The following NBEA variants were observed in gnomAD, a reference collection of about 807,000 sequenced individuals.
The protein encoded by NBEA is lysosomal-trafficking regulator 2.
In NBEA, 44 loss-of-function variants were observed where a neutral mutation model predicts 343.4. The observed-to-expected ratio is 0.13, with a 90% CI of 0.10 to 0.16. The LOEUF (loss-of-function observed/expected upper bound fraction) is 0.16, where lower values mean the gene tolerates loss of function less well. NBEA is among the 10% of genes least tolerant of loss of function. The pLI, the probability that NBEA is intolerant of heterozygous loss-of-function variation, is 1.00. For missense variants in NBEA, 2,555 were observed against 3,631.3 expected (o/e 0.70, Z 7.62); for synonymous variants, 1,175 against 1,238.7 (o/e 0.95, Z 1.08).
In NBEA at chr13:35,289,188, A is replaced by G. The variant is rs753267054; in HGVS notation, c.5777-1201A>G. ...TCAAGAAACAAAAATAACTGGTTTC[A>G]CTTCGATTTTCCATTTAGCAACAAA... On this transcript the variant is annotated intron_variant, in intron 34 of 58. Coordinates refer to ENST00000379939, the MANE Select transcript of NBEA (RefSeq NM_001385012.1). Among the ~76,000 whole-genome samples the G allele has an allele frequency of 1.3e-5, 2 of 152,016 alleles. 1 individual carries two copies. The highest frequency in any genetic ancestry group is 3.9e-4 in the East Asian group (2 of 5,182).
intron 33 of NBEA, among the ~76,000 whole-genome samples, chr13:35,229,149 A>G (rs1593842768): frequency 1.3e-5 from 2 of 151,906 alleles, no homozygotes; most frequent in South Asian, 4.2e-4. Flanking sequence ...TCTTGCCTCA[A>G]CCTTTTGAGT....
chr13:35,373,347 T>A (rs183742429), intron 38 of NBEA, among the ~76,000 whole-genome samples: 2 of 152,284 alleles, frequency 1.3e-5, no homozygotes, highest in Admixed American at 1.3e-4. Context: ...ACACATATTT[T>A]AATGTTATAT....
rs73490337 is a variant in NBEA at position 34,964,635 on chromosome 13, G to A, written c.294+21521G>A. Among the ~76,000 whole-genome samples, 966 of 152,094 alleles carry A rather than the reference G, an allele frequency of 6.4e-3. 11 individuals are homozygous for A. The highest frequency in any genetic ancestry group is 0.022 in the African/African-American group (925 of 41,532). On this transcript the variant is annotated intron_variant, in intron 1 of 58. Transcript: ENST00000379939. ...ATGTTGGGGCCCAAAAGACCAAAAA[G>A]GAGTTGTTTACAGGTGGACTTGGAC... is the stretch of plus-strand genomic sequence containing the variant.
intron 41 of NBEA, among the ~76,000 whole-genome samples, chr13:35,521,710 A>G (rs1210903246): frequency 2.0e-5 from 3 of 152,190 alleles, no homozygotes; most frequent in Non-Finnish European, 4.4e-5. Flanking sequence ...TCCACTTTCA[A>G]ATTCCAAGGA....
chr13:35,672,119 TGATGGCTATCAAATGA>T lies in NBEA; in HGVS notation c.*1129_*1144del. ...GCATTTCATCTTTTATGATATAAAA[TGATGGCTATCAAATGA>T]TTTTCCATACATTGTACTGATCAAG... On this transcript the variant is annotated 3_prime_UTR_variant, in exon 59 of 59. Coordinates refer to ENST00000379939, the MANE Select transcript of NBEA (RefSeq NM_001385012.1). The T allele has an allele frequency of 6.5e-6, 1 of 152,790 alleles. No homozygotes were observed. Among genetic ancestry groups the T allele is most frequent in the Non-Finnish European group, 1.5e-5 (1 of 68,034 alleles). The allele number at this position is 152,790 out of a possible 1,614,324, so 9.5% of individuals were successfully genotyped here. A position where few individuals can be genotyped will look rare whatever the true frequency, so the allele number is the denominator to read the frequency against.
At chr13:35,395,634 T>C (rs944712801) in intron 38 of NBEA, among the ~76,000 whole-genome samples, 7 of 152,120 alleles carry the variant, frequency 4.6e-5, no homozygotes, top group African/African-American at 1.2e-4. Context: ...TTGAACATAG[T>C]GTTCTATAAA....
rs375802607 is a variant in NBEA, at chr13:35,298,878, C to A, written c.5838+8428C>A. On this transcript the variant is annotated intron_variant, in intron 35 of 58. Coordinates refer to ENST00000379939, the MANE Select transcript of NBEA (RefSeq NM_001385012.1). ...ATTCATTTCTTACATTCAGTTTTTC[C>A]TATAATACTTTTAGTAAGATCTTCA... 4.4e-4 allele frequency among the ~76,000 whole-genome samples: 67 copies of A among 151,566 alleles called. No individual in the cohort carries two copies. The East Asian group carries it at 8.5e-3, about 19-fold the overall frequency.
intron 34 of NBEA, among the ~76,000 whole-genome samples, chr13:35,279,789 A>G (rs1237650907): frequency 6.6e-6 from 1 of 152,044 alleles, no homozygotes; most frequent in East Asian, 1.9e-4. Context: ...CATGCCCCTT[A>G]ATTAGGTAGC....
intron 49 of NBEA, among the ~76,000 whole-genome samples, chr13:35,638,273 C>G (rs998862084): frequency 9.2e-5 from 14 of 151,938 alleles, no homozygotes; most frequent in Admixed American, 9.2e-4. Flanking sequence ...TATATTCTAC[C>G]ACAATTAACT....
intron 1 of NBEA, among the ~76,000 whole-genome samples, chr13:35,025,827 G>A (rs981502415): frequency 6.6e-6 from 1 of 151,918 alleles, no homozygotes; most frequent in African/African-American, 2.4e-5. Flanking sequence ...ATTATATTAG[G>A]TTATTCTAAT....
At chr13:35,214,153 A>G (rs1239538916) in intron 33 of NBEA, among the ~76,000 whole-genome samples, 1 of 151,894 alleles carries the variant, frequency 6.6e-6, no homozygotes, top group Non-Finnish European at 1.5e-5. Flanking sequence ...TCACCTGTTG[A>G]TAGCCATCTG....
intron 38 of NBEA, among the ~76,000 whole-genome samples, chr13:35,420,731 T>A (rs879545679): frequency 4.6e-5 from 7 of 151,978 alleles, no homozygotes; most frequent in Non-Finnish European, 1.0e-4. Flanking sequence ...GGGTGAGTTG[T>A]GGTCATTCAT....
chr13:35,128,482 T>G (rs545773649), intron 17 of NBEA, among the ~76,000 whole-genome samples: 1 of 152,312 alleles, frequency 6.6e-6, no homozygotes, highest in Non-Finnish European at 1.5e-5. Context: ...TAAATCTTTT[T>G]GACCTTAAAC....
chr13:35,496,563 G>A (rs1190947613), intron 41 of NBEA, among the ~76,000 whole-genome samples: 1 of 147,804 alleles, frequency 6.8e-6, no homozygotes, highest in African/African-American at 2.5e-5. Flanking sequence ...GAGCCCAGAA[G>A]GTTGAGGCTG....
intron 1 of NBEA, among the ~76,000 whole-genome samples, chr13:35,010,739 AAAATAT>A (rs1361794471): frequency 5.9e-5 from 2 of 34,172 alleles, no homozygotes; most frequent in African/African-American, 2.0e-4. Context: ...AAAAAAAAAA[AAAATAT>A]ATATATATAT....
chr13:35,468,714 T>TA (rs1484620070), intron 40 of NBEA, among the ~76,000 whole-genome samples: 4 of 152,168 alleles, frequency 2.6e-5, no homozygotes, highest in East Asian at 1.9e-4. Context: ...CAACTACAGA[T>TA]GTGTTCTTGG....
intron 38 of NBEA, among the ~76,000 whole-genome samples, chr13:35,354,988 C>G (rs2040412212): frequency 6.6e-6 from 1 of 152,120 alleles, no homozygotes; most frequent in African/African-American, 2.4e-5. Context: ...TTTTCTCCAT[C>G]TCAGCCAAAG....
chr13:35,081,186 T>A (rs2064375721), intron 10 of NBEA, among the ~76,000 whole-genome samples: 1 of 152,192 alleles, frequency 6.6e-6, no homozygotes, highest in South Asian at 2.1e-4. Flanking sequence ...CCTATTTTTC[T>A]GGTGGCTGTA....
chr13:35,668,689 A>C (rs1012808305), intron 58 of NBEA, among the ~76,000 whole-genome samples, 170 bp downstream of exon 58: 1 of 152,210 alleles, frequency 6.6e-6, no homozygotes, highest in Non-Finnish European at 1.5e-5. Flanking sequence ...AGTGAGAGGG[A>C]AACAGAGGAA....
Sources: allele counts gnomAD v4.1 joint callset (sites outside exome capture counted in the v4.1 genomes callset), GRCh38; gene constraint gnomAD v4.1.1; transcripts MANE v1.5; gene names NCBI Gene and HGNC (gene_info 2026-07-23, HGNC 2026-07-21).